The following PHF14 variants were observed in gnomAD, a reference collection of about 807,000 sequenced individuals.
PHF14 encodes the protein PHD finger protein 14.
PHF14 carries 55 observed loss-of-function variants against 117.9 expected under a neutral mutation model. The ratio of observed to expected loss-of-function variants is 0.47; its 90% confidence interval spans 0.38 to 0.58. The LOEUF (loss-of-function observed/expected upper bound fraction) is 0.58, where lower values mean the gene tolerates loss of function less well. Ranked by LOEUF, PHF14 falls within the 20% of genes least tolerant of loss-of-function variation. The probability of loss-of-function intolerance (pLI) is 0.00; values close to 1 mark genes in which losing one functional copy is unlikely to be tolerated. For missense variants in PHF14, 978 were observed against 1,122.2 expected (o/e 0.87, Z 1.84); for synonymous variants, 409 against 368.6 (o/e 1.11, Z -1.26).
intron 17 of PHF14, among the ~76,000 whole-genome samples, chr7:11,156,129 T>C (rs931700559): frequency 3.9e-5 from 6 of 152,184 alleles, no homozygotes; most frequent in African/African-American, 1.4e-4. Flanking sequence ...TTCAAAACAG[T>C]TTTAAACATT....
At chr7:11,147,427 G>C (rs1562485863) in intron 17 of PHF14, among the ~76,000 whole-genome samples, 2 of 152,096 alleles carry the variant, frequency 1.3e-5, no homozygotes, top group Admixed American at 6.6e-5. Flanking sequence ...GTGCAAAATA[G>C]CATCTCTCAG....
At chr7:11,140,610 T>C (rs1409385054) in intron 17 of PHF14, among the ~76,000 whole-genome samples, 2 of 152,286 alleles carry the variant, frequency 1.3e-5, no homozygotes, top group Middle Eastern at 3.4e-3. Context: ...TTGTTTTTCT[T>C]ATACAAAGAA....
chr7:11,116,815 G>A (rs1787614196), intron 17 of PHF14, among the ~76,000 whole-genome samples: 1 of 151,840 alleles, frequency 6.6e-6, no homozygotes, highest in Admixed American at 6.6e-5. Flanking sequence ...TTTTTACAAA[G>A]TTTTGAAGCT....
intron 14 of PHF14, among the ~76,000 whole-genome samples, chr7:11,059,455 T>C (rs916511632): frequency 6.6e-6 from 1 of 152,192 alleles, no homozygotes; most frequent in Non-Finnish European, 1.5e-5. Flanking sequence ...CACTTGATAT[T>C]GGTTACTAAT....
At chr7:11,057,831 T>C (rs531908591) in intron 14 of PHF14, among the ~76,000 whole-genome samples, 1 of 152,268 alleles carries the variant, frequency 6.6e-6, no homozygotes, top group Admixed American at 6.5e-5. Context: ...GCAAGGTGAT[T>C]TAAGCAGCTC....
chr7:11,063,436 A>G (rs902831220), intron 16 of PHF14: 13 of 971,490 alleles, frequency 1.3e-5, no homozygotes, highest in African/African-American at 3.5e-5. Flanking sequence ...AAAAATAACA[A>G]TCTTATATAA....
intron 17 of PHF14, among the ~76,000 whole-genome samples, chr7:11,147,186 C>T (rs986633752): frequency 6.6e-6 from 1 of 152,120 alleles, no homozygotes; most frequent in Non-Finnish European, 1.5e-5. Flanking sequence ...AACTAGGATA[C>T]AGAGCCATAT....
rs143121136 is a variant in PHF14, at chr7:11,063,661, G to GT, written c.2654+1582dup. ...TGTAGGACTTAGAGGTTTTTATTAG[G>GT]TTTTTTGTTTTGCTTTTGTCATATA... On this transcript the variant is annotated intron_variant, in intron 16 of 17. Coordinates refer to ENST00000634607, the MANE Select transcript of PHF14 (RefSeq NM_001007157.2). 3.4e-3 allele frequency: 3,329 copies of GT among 966,258 alleles called. 88 individuals are homozygous for GT. In the African/African-American group the frequency reaches 0.055, roughly 16 times the overall value. The allele number at this position is 966,258 out of a possible 1,614,324, so 59.9% of individuals were successfully genotyped here.
chr7:11,005,794 T>TC (rs1307083072), intron 4 of PHF14, among the ~76,000 whole-genome samples: 4 of 143,172 alleles, frequency 2.8e-5, no homozygotes, highest in Non-Finnish European at 4.6e-5. Context: ...ATTCTTTTTT[T>TC]TTTTTTTTTT....
At chr7:11,115,596 T>C (rs1787576203) in intron 17 of PHF14, among the ~76,000 whole-genome samples, 1 of 151,976 alleles carries the variant, frequency 6.6e-6, no homozygotes, top group Non-Finnish European at 1.5e-5. Flanking sequence ...CTTCTTCATA[T>C]CCAAAATAAA....
At chr7:10,974,560 C>G (rs1475050622) in intron 1 of PHF14, among the ~76,000 whole-genome samples, 1 of 152,124 alleles carries the variant, frequency 6.6e-6, no homozygotes, top group East Asian at 1.9e-4. Flanking sequence ...AGAAACATCT[C>G]GAAAAGATGA....
chr7:11,141,383 T>A (rs1788392041), intron 17 of PHF14, among the ~76,000 whole-genome samples: 1 of 152,000 alleles, frequency 6.6e-6, no homozygotes, highest in African/African-American at 2.4e-5. Flanking sequence ...TGTCTCCAAG[T>A]CTAATGGTCT....
At chr7:11,062,158 GA>G in intron 16 of PHF14, 73 bp downstream of exon 16, 1 of 1,293,964 alleles carries the variant, frequency 7.7e-7, no homozygotes, top group East Asian at 2.4e-5. Flanking sequence ...CAGAAAAAAT[GA>G]AAAAACAATT....
chr7:10,974,238 C>A lies in PHF14; in HGVS notation c.-86C>A. On this transcript the variant is annotated 5_prime_UTR_variant, in exon 1 of 18. Transcript: ENST00000634607. ...ATAGCATCTTTCGGACTTGTCTTCG[C>A]GGCCCCAGTCCCCGACCTCGGCGCT... 4.3e-6 allele frequency: 5 copies of A among 1,163,356 alleles called. No homozygotes were observed. The highest frequency in any genetic ancestry group is 1.5e-5 in the African/African-American group (1 of 65,694). 72.1% of individuals were successfully genotyped at this position (1,163,356 alleles called of 1,614,324 possible). A position where few individuals can be genotyped will look rare whatever the true frequency, so the allele number is the denominator to read the frequency against.
At chr7:11,137,837 C>T (rs1583494358) in intron 17 of PHF14, among the ~76,000 whole-genome samples, 1 of 151,906 alleles carries the variant, frequency 6.6e-6, no homozygotes, top group Non-Finnish European at 1.5e-5. Flanking sequence ...CTGCCCACCT[C>T]GGCCTCCCTA....
At chr7:11,077,403 C>G (rs1324486606) in intron 16 of PHF14, among the ~76,000 whole-genome samples, 2 of 151,470 alleles carry the variant, frequency 1.3e-5, no homozygotes, top group South Asian at 4.2e-4. Flanking sequence ...GAGATGAAGA[C>G]CATCCTGGCC....
intron 2 of PHF14, among the ~76,000 whole-genome samples, chr7:10,978,837 A>T (rs756352556): frequency 1.3e-5 from 2 of 152,164 alleles, no homozygotes; most frequent in African/African-American, 4.8e-5. Flanking sequence ...TTTGAGTACC[A>T]CTGGCTCATA....
At chr7:11,036,942 T>A in intron 9 of PHF14, 43 bp from the exon 10 acceptor site, 1 of 1,336,510 alleles carries the variant, frequency 7.5e-7, no homozygotes, top group Non-Finnish European at 1.0e-6. Context: ...TATGTCAGTT[T>A]TTACTTCCTA....
intron 16 of PHF14, among the ~76,000 whole-genome samples, chr7:11,087,669 A>G (rs923690916): frequency 3.3e-5 from 5 of 152,154 alleles, no homozygotes; most frequent in African/African-American, 1.2e-4. Flanking sequence ...CCACAACTAT[A>G]TTTGACTCCC....
Sources: allele counts gnomAD v4.1 joint callset (sites outside exome capture counted in the v4.1 genomes callset), GRCh38; gene constraint gnomAD v4.1.1; transcripts MANE v1.5; gene names NCBI Gene and HGNC (gene_info 2026-07-23, HGNC 2026-07-21).